PRKAR1B: variants seen among roughly 807,000 people sequenced by gnomAD.
PRKAR1B encodes cAMP-dependent protein kinase type I-beta regulatory subunit.
PRKAR1B carries 22 observed loss-of-function variants against 46.5 expected under a neutral mutation model. That is an observed-to-expected ratio of 0.47 (90% CI 0.34 to 0.68). PRKAR1B has a LOEUF of 0.68. Ranked by LOEUF, PRKAR1B falls within the 30% of genes least tolerant of loss-of-function variation. The pLI, the probability that PRKAR1B is intolerant of heterozygous loss-of-function variation, is 0.01. For synonymous variants in PRKAR1B, 259 were observed against 217.7 expected (o/e 1.19, Z -1.67); for missense variants, 445 against 535.6 (o/e 0.83, Z 1.67).
intron 4 of PRKAR1B, among the ~76,000 whole-genome samples, chr7:662,197 A>G (rs1447438951): frequency 4.0e-4 from 14 of 35,094 alleles, no homozygotes; most frequent in South Asian, 1.8e-3. Flanking sequence ...TCTCCCCCCC[A>G]TGGCACAGGT....
At chr7:637,476 G>A (rs1046795382) in intron 4 of PRKAR1B, among the ~76,000 whole-genome samples, 21 of 152,064 alleles carry the variant, frequency 1.4e-4, no homozygotes, top group Admixed American at 9.2e-4. Context: ...TTAAACCTAA[G>A]GAAAAAATAA....
Position 555,757 on chromosome 7 carries a change from G to A in PRKAR1B, c.892-4287C>T, listed in dbSNP as rs1267050097. Among the ~76,000 whole-genome samples the A allele has an allele frequency of 2.0e-5, 3 of 152,260 alleles. No individual in the cohort carries two copies. The East Asian group carries it at 5.8e-4, about 30-fold the overall frequency. On this transcript the variant is annotated intron_variant, in intron 9 of 10. Transcript: ENST00000537384. ...GCCAAGGCCACACAGTCAGAGTCCC[G>A]CTGCCTCCACAAGCAGATGACATCC...
At chr7:572,311 G>T (rs1779566619) in intron 9 of PRKAR1B, among the ~76,000 whole-genome samples, 1 of 152,230 alleles carries the variant, frequency 6.6e-6, no homozygotes, top group African/African-American at 2.4e-5. Context: ...TGGGGATCGG[G>T]TGTCTGAGGG....
intron 4 of PRKAR1B, among the ~76,000 whole-genome samples, chr7:625,941 G>C (rs1783370316): frequency 6.7e-6 from 1 of 150,164 alleles, no homozygotes; most frequent in Admixed American, 6.7e-5. Context: ...CCAGGAGGCA[G>C]AGGTTGCAGT....
At chr7:587,470 G>A (rs1046665905) in intron 7 of PRKAR1B, among the ~76,000 whole-genome samples, 3 of 152,232 alleles carry the variant, frequency 2.0e-5, no homozygotes, top group Non-Finnish European at 4.4e-5. Flanking sequence ...TGAAGTGGGG[G>A]TCTGCCCTGG....
intron 4 of PRKAR1B, among the ~76,000 whole-genome samples, chr7:611,686 C>A (rs189462012): frequency 1.3e-5 from 2 of 152,328 alleles, no homozygotes; most frequent in African/African-American, 4.8e-5. Flanking sequence ...CTCCTCAGCA[C>A]AATATGGATG....
At chr7:579,147 C>A in intron 9 of PRKAR1B, 109 bp downstream of exon 9, 1 of 1,595,558 alleles carries the variant, frequency 6.3e-7, no homozygotes. Context: ...GGTCACAGGG[C>A]AGCACTGACT....
chr7:582,837 G>A (rs1780272612), intron 8 of PRKAR1B, among the ~76,000 whole-genome samples: 1 of 152,258 alleles, frequency 6.6e-6, no homozygotes, highest in South Asian at 2.1e-4. Context: ...GGGCGGCAGA[G>A]GCCCTGCGTT....
chr7:584,449 G>A (rs915647243), intron 8 of PRKAR1B, 59 bp downstream of exon 8: 11 of 1,475,920 alleles, frequency 7.5e-6, no homozygotes, highest in African/African-American at 1.4e-5. Context: ...AGAGGCCGGG[G>A]TGGCCAGCAG....
chr7:688,403 CAAAA>C (rs1255374596), intron 2 of PRKAR1B, among the ~76,000 whole-genome samples: 1 of 132,928 alleles, frequency 7.5e-6, no homozygotes, highest in East Asian at 2.1e-4. Context: ...GACTCCATCT[CAAAA>C]AAAAAAAAAA....
intron 9 of PRKAR1B, among the ~76,000 whole-genome samples, chr7:567,810 G>A (rs1583216275): frequency 6.6e-6 from 1 of 151,962 alleles, no homozygotes; most frequent in African/African-American, 2.4e-5. Flanking sequence ...CCTTATAGCA[G>A]GCAGTAGAGT....
intron 2 of PRKAR1B, among the ~76,000 whole-genome samples, chr7:680,992 TCATCCCCA>T: frequency 6.6e-6 from 1 of 152,222 alleles, no homozygotes; most frequent in Middle Eastern, 3.4e-3. Flanking sequence ...ATCATCCCCA[TCATCCCCA>T]CTTGTCCAGG....
At chr7:720,659 C>G (rs1209764442) in intron 1 of PRKAR1B, among the ~76,000 whole-genome samples, 4 of 152,212 alleles carry the variant, frequency 2.6e-5, no homozygotes, top group South Asian at 2.1e-4. Context: ...TGTTGAAGGT[C>G]TGTTGTTTGC....
intron 9 of PRKAR1B, among the ~76,000 whole-genome samples, chr7:561,251 AAC>A (rs971329810): frequency 2.0e-5 from 3 of 150,928 alleles, no homozygotes; most frequent in African/African-American, 7.3e-5. Flanking sequence ...CCTAGGCACA[AAC>A]ACACAGGCAC....
intron 9 of PRKAR1B, among the ~76,000 whole-genome samples, chr7:575,263 C>T (rs940797562): frequency 2.0e-5 from 3 of 152,200 alleles, no homozygotes; most frequent in Non-Finnish European, 2.9e-5. Flanking sequence ...TGGGCATTCA[C>T]GGCTGTGCTG....
intron 4 of PRKAR1B, among the ~76,000 whole-genome samples, chr7:640,117 C>T (rs1283747123): frequency 1.3e-5 from 2 of 150,802 alleles, no homozygotes; most frequent in Non-Finnish European, 2.9e-5. Context: ...GAGCCGAGAT[C>T]GTACTATTGC....
chr7:723,618 A>G (rs1272712461), intron 1 of PRKAR1B, among the ~76,000 whole-genome samples: 1 of 152,126 alleles, frequency 6.6e-6, no homozygotes. Flanking sequence ...TTCAGCACTC[A>G]CTGCCACAGC....
chr7:633,279 G>A (rs147108563), intron 4 of PRKAR1B, among the ~76,000 whole-genome samples: 7 of 152,266 alleles, frequency 4.6e-5, no homozygotes, highest in African/African-American at 1.4e-4. Context: ...CTCCATGTGC[G>A]TATTTGCTTA....
chr7:677,264 G>A lies in PRKAR1B; in HGVS notation c.405C>T (p.Asn135=), dbSNP rs143640552. 1.1e-5 allele frequency: 18 copies of A among 1,614,156 alleles called. No individual in the cohort carries two copies. The highest frequency in any genetic ancestry group is 4.5e-5 in the East Asian group (2 of 44,898). ...MTALAKAISK[N]VLFAHLDDNE... is the part of the protein sequence containing the mutation. ...TGTCATCCAGGTGAGCGAAGAGCAC[G>A]TTCTTGGAGATGGCCTTGGCCAGCG... The change falls in exon 4 of 11, where the codon AAC becomes AAT. Residue 135 remains asparagine (N), a synonymous_variant. Transcript: ENST00000537384.
Sources: gnomAD v4.1 joint callset for allele counts (sites outside exome capture counted in the v4.1 genomes callset) on GRCh38, gnomAD v4.1.1 for gene constraint, MANE v1.5 for transcripts, NCBI Gene and HGNC (gene_info 2026-07-23, HGNC 2026-07-21) for gene names.